The following PHF24 variants were observed in gnomAD, a reference collection of about 807,000 sequenced individuals.
PHF24 encodes PHD finger protein 24.
In PHF24, 25 loss-of-function variants were observed where a neutral mutation model predicts 42.6. The ratio of observed to expected loss-of-function variants is 0.59; its 90% CI spans 0.43 to 0.82. The LOEUF (loss-of-function observed/expected upper bound fraction) is 0.82, where lower values mean the gene tolerates loss of function less well. PHF24 is among the 40% of genes least tolerant of loss of function. The probability of loss-of-function intolerance (pLI) is 0.00; values close to 1 mark genes in which losing one functional copy is unlikely to be tolerated. For missense variants in PHF24, 470 were observed against 538.1 expected, an observed-to-expected ratio of 0.87 and a Z score of 1.25; for synonymous variants, 185 against 204.8, an observed-to-expected ratio of 0.90 and a Z score of 0.83.
At chr9:34,922,157 C>T in the PHF24 span, 43 of 1,575,080 alleles carry the variant, frequency 2.7e-5, no homozygotes, top group Admixed American at 5.0e-5. Flanking sequence ...AATTTTAGAA[C>T]GAGGCAGACA....
chr9:34,716,724 G>A, the PHF24 span, among the ~76,000 whole-genome samples: 2 of 151,992 alleles, frequency 1.3e-5, no homozygotes, highest in African/African-American at 4.8e-5. Flanking sequence ...TGAGTAGCTG[G>A]GACTACTGAT....
chr9:34,792,614 T>C, the PHF24 span, among the ~76,000 whole-genome samples: 2 of 151,796 alleles, frequency 1.3e-5, no homozygotes, highest in Admixed American at 1.3e-4. Context: ...AAGGTTGTGG[T>C]GAGCCAAGAT....
chr9:34,683,221 T>G, the PHF24 span, among the ~76,000 whole-genome samples: 3 of 152,148 alleles, frequency 2.0e-5, no homozygotes, highest in Non-Finnish European at 2.9e-5. Flanking sequence ...CCACCATACC[T>G]GGCTAATTTT....
At chr9:34,690,117 T>C in the PHF24 span, 2 of 1,587,368 alleles carry the variant, frequency 1.3e-6, no homozygotes, top group Non-Finnish European at 8.6e-7. Flanking sequence ...CTTGAAGGGG[T>C]TGGGCTTGGC....
At chr9:34,897,072 C>T in the PHF24 span, among the ~76,000 whole-genome samples, 17 of 152,250 alleles carry the variant, frequency 1.1e-4, no homozygotes, top group African/African-American at 3.9e-4. Flanking sequence ...AGGAGAATCG[C>T]TTGAACCCAG....
the PHF24 span, among the ~76,000 whole-genome samples, chr9:34,807,910 TGTAA>T: frequency 6.6e-6 from 1 of 151,832 alleles, no homozygotes; most frequent in East Asian, 1.9e-4. Context: ...TAAACAAATA[TGTAA>T]GTACCACTTC....
the PHF24 span, chr9:34,666,063 T>C: frequency 3.8e-6 from 1 of 266,430 alleles, no homozygotes; most frequent in Non-Finnish European, 7.3e-6. Context: ...TACTATTACG[T>C]CACAGGGATG....
At chr9:34,806,167 A>AT in the PHF24 span, among the ~76,000 whole-genome samples, 86 of 147,210 alleles carry the variant, frequency 5.8e-4, no homozygotes, top group African/African-American at 1.8e-3. Flanking sequence ...CTCTTACTTT[A>AT]TTTTTTTTTT....
At chr9:34,816,929 G>A in the PHF24 span, among the ~76,000 whole-genome samples, 1 of 152,132 alleles carries the variant, frequency 6.6e-6, no homozygotes, top group Non-Finnish European at 1.5e-5. Flanking sequence ...TGTTGCCCTT[G>A]TCTCTTAGAG....
At chr9:34,957,870 C>T (rs994632975), upstream of PHF24, among the ~76,000 whole-genome samples, 1 of 152,014 alleles carries the variant, frequency 6.6e-6, no homozygotes. Flanking sequence ...GGTGAGCGGC[C>T]CCAGCGCCCC....
intron 1 of PHF24, among the ~76,000 whole-genome samples, chr9:34,965,747 G>T (rs760111043): frequency 6.6e-6 from 1 of 152,234 alleles, no homozygotes; most frequent in African/African-American, 2.4e-5. Flanking sequence ...CTCTGTTAAT[G>T]AGTAAGTTCA....
chr9:34,750,544 TG>T, the PHF24 span, among the ~76,000 whole-genome samples: 1 of 150,390 alleles, frequency 6.6e-6, no homozygotes, highest in Non-Finnish European at 1.5e-5. Context: ...ATAAATAAAG[TG>T]GGGGTATGAA....
the PHF24 span, among the ~76,000 whole-genome samples, chr9:34,908,842 C>CTTTTCT: frequency 4.4e-5 from 6 of 135,346 alleles, no homozygotes; most frequent in African/African-American, 1.1e-4. Context: ...CTTTTCTTTT[C>CTTTTCT]TTTTTTTTTT....
the PHF24 span, among the ~76,000 whole-genome samples, chr9:34,930,053 G>T: frequency 6.6e-6 from 1 of 152,148 alleles, no homozygotes; most frequent in East Asian, 1.9e-4. Context: ...ATACTATTTT[G>T]GGGCTTCTCT....
the PHF24 span, among the ~76,000 whole-genome samples, chr9:34,904,878 T>A: frequency 6.6e-6 from 1 of 150,706 alleles, no homozygotes; most frequent in East Asian, 2.0e-4. Flanking sequence ...AATTTATTCA[T>A]CTCTTCTAGG....
the PHF24 span, among the ~76,000 whole-genome samples, chr9:34,825,464 G>C: frequency 6.6e-6 from 1 of 152,178 alleles, no homozygotes; most frequent in Non-Finnish European, 1.5e-5. Context: ...TTATGGAGGA[G>C]AGGGTCTTTG....
chr9:34,974,728 A>AC (rs1827124995), intron 3 of PHF24, among the ~76,000 whole-genome samples: 1 of 151,986 alleles, frequency 6.6e-6, no homozygotes, highest in Non-Finnish European at 1.5e-5. Flanking sequence ...GTGTGTCCAG[A>AC]CCTAAATTTC....
chr9:34,879,484 GCTAA>G, the PHF24 span, among the ~76,000 whole-genome samples: 1 of 152,114 alleles, frequency 6.6e-6, no homozygotes, highest in East Asian at 1.9e-4. Flanking sequence ...TAGACGAATG[GCTAA>G]CTAAACAGTA....
chr9:34,688,514 A>G, the PHF24 span, among the ~76,000 whole-genome samples: 1 of 152,096 alleles, frequency 6.6e-6, no homozygotes, highest in Non-Finnish European at 1.5e-5. Context: ...GAGCCCATGT[A>G]GACTGTAGGG....
Sources: gnomAD v4.1 joint callset for allele counts (sites outside exome capture counted in the v4.1 genomes callset) on GRCh38, gnomAD v4.1.1 for gene constraint, MANE v1.5 for transcripts, NCBI Gene and HGNC (gene_info 2026-07-23, HGNC 2026-07-21) for gene names.